Variants in LMBR1 observed in about 807,000 individuals in gnomAD.
LMBR1 encodes the protein limb development membrane protein 1.
Under a neutral mutation model 73.9 loss-of-function variants are expected in LMBR1, and 52 were observed. The observed-to-expected ratio is 0.70, with a 90% CI of 0.56 to 0.89. The LOEUF is 0.89. Among genes scored for constraint, LMBR1 ranks in the 40% least tolerant of loss-of-function variants. The pLI is 0.00. For synonymous variants in LMBR1, 215 were observed against 209.4 expected (o/e 1.03, Z -0.23); for missense variants, 539 against 579.8 (o/e 0.93, Z 0.72).
At chr7:156,831,864 A>T (rs887764977) in intron 3 of LMBR1, among the ~76,000 whole-genome samples, 7 of 152,222 alleles carry the variant, frequency 4.6e-5, no homozygotes, top group African/African-American at 1.7e-4. Flanking sequence ...TGGCACACAG[A>T]CTGAATGGAG....
chr7:156,696,989 G>T (rs1808414753), intron 15 of LMBR1, among the ~76,000 whole-genome samples: 1 of 152,138 alleles, frequency 6.6e-6, no homozygotes. Flanking sequence ...GGGATATATT[G>T]GGGGACCCTG....
rs535353307 is a variant in LMBR1 at position 156,801,559 on chromosome 7, G to A, written c.320-5067C>T. On this transcript the variant is annotated intron_variant, in intron 4 of 16. Coordinates refer to ENST00000353442, the MANE Select transcript of LMBR1 (RefSeq NM_022458.4). ...ACATAGTAGGCATTGTTCTGGATAC[G>A]TTAAGATGCTATCTTTTTTTCTGAG... Among the ~76,000 whole-genome samples, 194 of 152,276 alleles carry A rather than the reference G, an allele frequency of 1.3e-3. 2 individuals carry two copies. The highest frequency in any genetic ancestry group is 4.6e-3 in the African/African-American group (190 of 41,554).
At position 156,733,429 on chromosome 7, in the gene LMBR1, G is replaced by A. The variant is rs113416083; in HGVS notation, c.838+748C>T. Among the ~76,000 whole-genome samples, 951 of 152,128 alleles carry A rather than the reference G, an allele frequency of 6.3e-3. 10 individuals carry two copies. Among genetic ancestry groups the A allele is most frequent in the African/African-American group, 0.022 (904 of 41,514 alleles). ...CAAAGAGGGAGGACACAGATTGAAC[G>A]TGTTAGAGACATAATAGAAGATACA... On this transcript the variant is annotated intron_variant, in intron 10 of 16. Coordinates refer to ENST00000353442, the MANE Select transcript of LMBR1 (RefSeq NM_022458.4).
At chr7:156,776,699 T>C (rs1028635652) in intron 5 of LMBR1, among the ~76,000 whole-genome samples, 1 of 152,154 alleles carries the variant, frequency 6.6e-6, no homozygotes, top group African/African-American at 2.4e-5. Context: ...CTAGTGAATT[T>C]TGATGATGAG....
chr7:156,793,805 T>C (rs1829643963), intron 5 of LMBR1, among the ~76,000 whole-genome samples: 1 of 152,216 alleles, frequency 6.6e-6, no homozygotes, highest in Non-Finnish European at 1.5e-5. Flanking sequence ...GTGCATTACA[T>C]GAATAATCAC....
chr7:156,674,611 G>A (rs1171473788), downstream of LMBR1, among the ~76,000 whole-genome samples: 1 of 152,152 alleles, frequency 6.6e-6, no homozygotes, highest in East Asian at 1.9e-4. Context: ...GGGAGGCCGA[G>A]GCTGAGTGAG....
At chr7:156,857,928 G>T (rs1480204492) in intron 1 of LMBR1, among the ~76,000 whole-genome samples, 1 of 151,974 alleles carries the variant, frequency 6.6e-6, no homozygotes, top group African/African-American at 2.4e-5. Flanking sequence ...TTATGAAAAT[G>T]TGTGAGATGC....
intron 1 of LMBR1, among the ~76,000 whole-genome samples, chr7:156,839,479 A>C (rs1183635139): frequency 6.6e-6 from 1 of 152,152 alleles, no homozygotes; most frequent in Non-Finnish European, 1.5e-5. Context: ...TGCTAGAAAT[A>C]AAGGTTTGCC....
At position 156,688,054 on chromosome 7, in the gene LMBR1, G is replaced by A. The variant is rs1806343834; in HGVS notation, c.1363C>T (p.Arg455Ter). 6.8e-6 allele frequency: 11 copies of A among 1,608,038 alleles called. No individual in the cohort carries two copies. The highest frequency in any genetic ancestry group is 4.5e-5 in the East Asian group (2 of 44,522). ...CCTAGGGCCTTGAAAAGTTCTTCTC[G>A]AACTGCAGAGGTGAATTTTCGGACC... Reference protein sequence around the residue: ...CLVRKFTSAVREELFKALGLH... With the variant: ...CLVRKFTSAV Residue 455 changes from arginine to a stop codon, truncating the protein, a stop_gained, in exon 16 of 17, where the codon CGA (arginine) becomes TGA (stop). Transcript: ENST00000353442. LOFTEE classifies it high-confidence loss of function.
chr7:156,761,161 A>T (rs956912474), intron 8 of LMBR1, among the ~76,000 whole-genome samples: 2 of 152,246 alleles, frequency 1.3e-5, no homozygotes, highest in African/African-American at 4.8e-5. Flanking sequence ...AGGGACAGCT[A>T]GAGGAAAACT....
chr7:156,759,717 C>G (rs1305165493), intron 8 of LMBR1, among the ~76,000 whole-genome samples: 5 of 152,108 alleles, frequency 3.3e-5, no homozygotes, highest in Non-Finnish European at 7.4e-5. Flanking sequence ...AGAAATAGCA[C>G]TCGAACATAA....
At chr7:156,800,924 C>T (rs759504647) in intron 4 of LMBR1, among the ~76,000 whole-genome samples, 1 of 152,202 alleles carries the variant, frequency 6.6e-6, no homozygotes, top group Non-Finnish European at 1.5e-5. Context: ...GACTGAATTG[C>T]TGCAATCTCA....
At chr7:156,848,933 A>AG in intron 1 of LMBR1, among the ~76,000 whole-genome samples, 2 of 150,576 alleles carry the variant, frequency 1.3e-5, no homozygotes, top group East Asian at 3.9e-4. Flanking sequence ...TCTGTCTCAA[A>AG]AAAAAAAAAA....
chr7:156,796,534 T>C, intron 4 of LMBR1, 42 bp from the exon 5 acceptor site: 1 of 1,322,258 alleles, frequency 7.6e-7, no homozygotes, highest in South Asian at 1.4e-5. Context: ...ACAGGTTAGA[T>C]ATTGAAATTG....
intron 5 of LMBR1, among the ~76,000 whole-genome samples, chr7:156,777,179 C>A (rs1267391012): frequency 1.3e-5 from 2 of 152,178 alleles, no homozygotes; most frequent in Non-Finnish European, 2.9e-5. Flanking sequence ...TCATGATCTG[C>A]CCACCTCAGC....
At chr7:156,795,278 C>T (rs560415358) in intron 5 of LMBR1, among the ~76,000 whole-genome samples, 11 of 152,130 alleles carry the variant, frequency 7.2e-5, no homozygotes, top group Non-Finnish European at 1.6e-4. Flanking sequence ...TCCCATAGGA[C>T]TTCATTATAT....
intron 4 of LMBR1, among the ~76,000 whole-genome samples, chr7:156,807,067 T>G (rs1315917583): frequency 6.6e-6 from 1 of 152,112 alleles, no homozygotes; most frequent in Non-Finnish European, 1.5e-5. Context: ...TAAAATCACA[T>G]GGATTGGCAT....
At chr7:156,863,324 C>T (rs546650288) in intron 1 of LMBR1, among the ~76,000 whole-genome samples, 3 of 151,500 alleles carry the variant, frequency 2.0e-5, no homozygotes, top group South Asian at 2.1e-4. Context: ...GAGGCTAGGC[C>T]AGTCTAGTCT....
rs189849439 is a variant in LMBR1 at position 156,877,605 on chromosome 7, C to T, written c.66+15323G>A. Reference sequence around the variant, plus strand: ...GATGGTTTAACATACGCAAGTCGGCCGGGCGCGGTGGCTCATGCCTGTAAT... The same window carrying T: ...GATGGTTTAACATACGCAAGTCGGCTGGGCGCGGTGGCTCATGCCTGTAAT... On this transcript the variant is annotated intron_variant, in intron 1 of 16. Transcript: ENST00000353442. Among the ~76,000 whole-genome samples the T allele has an allele frequency of 5.7e-3, 868 of 152,176 alleles. 8 individuals are homozygous for T. The highest frequency in any genetic ancestry group is 0.02 in the South Asian group (96 of 4,830).
Sources: allele counts gnomAD v4.1 joint callset (sites outside exome capture counted in the v4.1 genomes callset), GRCh38; gene constraint gnomAD v4.1.1; transcripts MANE v1.5; gene names NCBI Gene and HGNC (gene_info 2026-07-23, HGNC 2026-07-21).